The following PYGO1 variants were observed in gnomAD, a reference collection of about 807,000 sequenced individuals.
PYGO1 encodes pygopus homolog 1.
In PYGO1, 6 loss-of-function variants were observed where a neutral mutation model predicts 29.5. The observed-to-expected ratio is 0.20, with a 90% CI of 0.11 to 0.40. PYGO1 has a LOEUF of 0.40. Among genes scored for constraint, PYGO1 ranks in the 10% least tolerant of loss-of-function variants. PYGO1 has a pLI of 1.00. For synonymous variants in PYGO1, 186 were observed against 180.5 expected, an observed-to-expected ratio of 1.03 and a Z score of -0.24; for missense variants, 515 against 514.9, an observed-to-expected ratio of 1.00 and a Z score of 0.00.
intron 1 of PYGO1, among the ~76,000 whole-genome samples, chr15:55,562,988 T>G (rs1438467549): frequency 2.0e-5 from 3 of 151,912 alleles, no homozygotes; most frequent in Non-Finnish European, 4.4e-5. Context: ...CACTGGGGCC[T>G]GTCGGGGGGA....
At chr15:55,549,738 T>C (rs996128580) in intron 1 of PYGO1, among the ~76,000 whole-genome samples, 6 of 152,348 alleles carry the variant, frequency 3.9e-5, no homozygotes, top group Admixed American at 6.5e-5. Flanking sequence ...AAGCAAAAGC[T>C]TGACTATCAA....
chr15:55,546,524 G>C lies in PYGO1; in HGVS notation c.759C>G (p.Ser253=). The change falls in exon 3 of 3, where the codon TCC becomes TCG. Residue 253 remains serine, a synonymous_variant. Coordinates refer to ENST00000563719, the MANE Select transcript of PYGO1 (RefSeq NM_001367806.1). ...QGATKNTNQN[S]SAHPPHLNMD... ...TATTCAAGTGAGGTGGATGAGCAGA[G>C]GAATTTTGATTAGTGTTTTTGGTTG... The C allele has an allele frequency of 1.9e-6, 3 of 1,614,064 alleles. No individual in the cohort carries two copies. The East Asian group carries it at 6.7e-5, about 36-fold the overall frequency.
chr15:55,575,617 T>A (rs750846297), intron 1 of PYGO1, among the ~76,000 whole-genome samples: 43 of 152,274 alleles, frequency 2.8e-4, no homozygotes, highest in Middle Eastern at 6.8e-3. Context: ...AAAATGAATA[T>A]GATGCTTCTG....
intron 2 of PYGO1, 46 bp from the exon 3 acceptor site, chr15:55,547,193 A>T: frequency 6.8e-7 from 1 of 1,469,322 alleles, no homozygotes; most frequent in Non-Finnish European, 9.1e-7. Context: ...GATCAAATAC[A>T]TTATTAAAAT....
intron 1 of PYGO1, among the ~76,000 whole-genome samples, chr15:55,553,719 G>A (rs1435700330): frequency 1.3e-5 from 2 of 152,052 alleles, no homozygotes; most frequent in African/African-American, 4.8e-5. Flanking sequence ...CCTCTAGACA[G>A]TGGTGAAACC....
intron 1 of PYGO1, among the ~76,000 whole-genome samples, chr15:55,559,472 A>T (rs2058922847): frequency 6.6e-6 from 1 of 152,230 alleles, no homozygotes; most frequent in South Asian, 2.1e-4. Context: ...CAGCCATCCC[A>T]TTACTGGGTA....
chr15:55,573,197 T>C lies in PYGO1; in HGVS notation c.49+14638A>G, dbSNP rs80216261. Among the ~76,000 whole-genome samples, 695 of 152,148 alleles carry C rather than the reference T, an allele frequency of 4.6e-3. 17 individuals carry two copies. The East Asian group carries it at 0.055, about 12-fold the overall frequency. ...AGCAGGCACCTGCAATCCCAGCTAC[T>C]TAGGAGGCTGGGGCAGGAGAATCGC... On this transcript the variant is annotated intron_variant, in intron 1 of 2. Transcript: ENST00000563719.
At chr15:55,548,429 G>A (rs62020033) in intron 2 of PYGO1, among the ~76,000 whole-genome samples, 8,155 of 151,688 alleles carry the variant, frequency 0.054, 274 homozygotes, top group Middle Eastern at 0.068. Flanking sequence ...AAAATACAGC[G>A]AGGCGTGGTG....
At chr15:55,577,765 C>CTT (rs71105898) in intron 1 of PYGO1, among the ~76,000 whole-genome samples, 2,193 of 120,736 alleles carry the variant, frequency 0.018, 74 homozygotes, top group East Asian at 0.056. Context: ...TACTAATCTA[C>CTT]TTTTTTTTTT....
rs2058852148 is a variant in PYGO1, at chr15:55,546,594, C to T, written c.689G>A (p.Gly230Asp). ...TTTTGGGGGTGGTGCTTTTGCTTGACCAAAAGTGTTTGGGGGAGGAATAAA... is the reference window on the plus strand; with the variant it reads ...TTTTGGGGGTGGTGCTTTTGCTTGATCAAAAGTGTTTGGGGGAGGAATAAA... ...HSFIPPPNTF[G>D]QAKAPPPKQD... Residue 230 changes from glycine (G) to aspartate (D), a missense_variant, in exon 3 of 3, where the codon GGT becomes GAT. Coordinates refer to ENST00000563719, the MANE Select transcript of PYGO1 (RefSeq NM_001367806.1). 1 of 1,613,416 alleles carries T rather than the reference C, an allele frequency of 6.2e-7. No homozygotes were observed. Among genetic ancestry groups the T allele is most frequent in the Non-Finnish European group, 8.5e-7 (1 of 1,179,910 alleles).
chr15:55,547,574 C>G (rs1016136671), intron 2 of PYGO1, among the ~76,000 whole-genome samples: 1 of 152,156 alleles, frequency 6.6e-6, no homozygotes, highest in South Asian at 2.1e-4. Context: ...CAATCAGAAT[C>G]TAAGTTTTTC....
intron 1 of PYGO1, among the ~76,000 whole-genome samples, chr15:55,572,584 G>A (rs1002060182): frequency 3.0e-4 from 45 of 152,066 alleles, no homozygotes; most frequent in African/African-American, 1.0e-3. Context: ...CTTCTGCACA[G>A]AAAAGGAAAC....
Position 55,576,455 on chromosome 15 carries a change from CAAAAAAAAAAAAAAA to C in PYGO1, c.49+11365_49+11379del, listed in dbSNP as rs71105896. On this transcript the variant is annotated intron_variant, in intron 1 of 2. Coordinates refer to ENST00000563719, the MANE Select transcript of PYGO1 (RefSeq NM_001367806.1). ...TGGGCGACAGAGCGAGACTCCGTCTCAAAAAAAAAAAAAAAAAAAAAAAAAAAGAGAGAGGCCGGG... is the reference window on the plus strand; with the variant it reads ...TGGGCGACAGAGCGAGACTCCGTCTCAAAAAAAAAAAAGAGAGAGGCCGGG... Among the ~76,000 whole-genome samples, 9 of 46,408 alleles carry C rather than the reference CAAAAAAAAAAAAAAA, an allele frequency of 1.9e-4. No individual in the cohort carries two copies. In the South Asian group the frequency reaches 0.011, roughly 55 times the overall value. 30.4% of individuals were successfully genotyped at this position (46,408 alleles called of 152,430 possible). A position where few individuals can be genotyped will look rare whatever the true frequency, so the allele number is the denominator to read the frequency against.
At chr15:55,588,700 A>C, upstream of PYGO1, 6 of 1,291,474 alleles carry the variant, frequency 4.6e-6, no homozygotes, top group East Asian at 2.4e-5. Context: ...GGCCGACGCT[A>C]CCGGGCCCAG....
intron 1 of PYGO1, among the ~76,000 whole-genome samples, chr15:55,573,890 T>C (rs2058990387): frequency 6.6e-6 from 1 of 152,172 alleles, no homozygotes; most frequent in Admixed American, 6.5e-5. Flanking sequence ...AAAGAGAAAA[T>C]ACATTTATAG....
intron 1 of PYGO1, among the ~76,000 whole-genome samples, chr15:55,572,256 T>C (rs1031661615): frequency 6.6e-6 from 1 of 152,060 alleles, no homozygotes; most frequent in Non-Finnish European, 1.5e-5. Flanking sequence ...AACAAATACA[T>C]GATTAATATT....
chr15:55,555,695 T>C (rs753100137), intron 1 of PYGO1, among the ~76,000 whole-genome samples: 3 of 152,042 alleles, frequency 2.0e-5, no homozygotes, highest in Non-Finnish European at 2.9e-5. Flanking sequence ...TTAAAAAATG[T>C]AAATGGAGTA....
intron 1 of PYGO1, among the ~76,000 whole-genome samples, chr15:55,549,973 T>C (rs1328260689): frequency 6.6e-6 from 1 of 152,216 alleles, no homozygotes; most frequent in Non-Finnish European, 1.5e-5. Flanking sequence ...CATCATTTTA[T>C]TGGTAAATAT....
upstream of PYGO1, chr15:55,588,654 T>C (rs2059061197): frequency 6.1e-6 from 4 of 652,682 alleles, no homozygotes; most frequent in Non-Finnish European, 8.9e-6. Context: ...CGGCGCTCCC[T>C]CGCCGACCGC....
Sources: gnomAD v4.1 joint callset for allele counts (sites outside exome capture counted in the v4.1 genomes callset) on GRCh38, gnomAD v4.1.1 for gene constraint, MANE v1.5 for transcripts, NCBI Gene and HGNC (gene_info 2026-07-23, HGNC 2026-07-21) for gene names.